Variants in RIIAD1 observed in about 807,000 individuals in gnomAD.
RIIAD1 encodes RIIa domain-containing protein 1.
In RIIAD1, 15 loss-of-function variants were observed where a neutral mutation model predicts 13.3. That is an observed-to-expected ratio of 1.13 (90% CI 0.76 to 1.74). RIIAD1 has a LOEUF of 1.74. Among genes scored for constraint, RIIAD1 ranks in the 40% most tolerant of loss-of-function variants. The pLI, the probability that RIIAD1 is intolerant of heterozygous loss-of-function variation, is 0.00. For missense variants in RIIAD1, 121 were observed against 112.2 expected (o/e 1.08, Z -0.35); for synonymous variants, 50 against 43.3 (o/e 1.16, Z -0.61).
chr1:151,718,599 G>A (rs140746749), upstream of RIIAD1, among the ~76,000 whole-genome samples: 13 of 152,280 alleles, frequency 8.5e-5, no homozygotes, highest in Middle Eastern at 3.4e-3. Context: ...CTGGAGCCAC[G>A]CTCTGGCAGG....
At chr1:151,713,653 G>C (rs1445831251) in intron 3 of RIIAD1, 1 of 152,274 alleles carries the variant, frequency 6.6e-6, no homozygotes, top group Non-Finnish European at 1.5e-5. Context: ...TCACATGCCT[G>C]TGTGCACAAA....
At chr1:151,727,721 T>TG in intron 3 of RIIAD1, 100 bp downstream of exon 3, 2 of 767,290 alleles carry the variant, frequency 2.6e-6, no homozygotes, top group Non-Finnish European at 4.4e-6. Context: ...TCCCAGAGTC[T>TG]GGGGTACTCC....
chr1:151,720,787 T>C (rs534497128), upstream of RIIAD1, among the ~76,000 whole-genome samples: 181 of 152,326 alleles, frequency 1.2e-3, no homozygotes, highest in Non-Finnish European at 2.1e-3. Flanking sequence ...CCCTTTCTCG[T>C]GGCTATTTTC....
intron 2 of RIIAD1, among the ~76,000 whole-genome samples, chr1:151,725,703 G>A (rs1053758738): frequency 8.5e-5 from 13 of 152,134 alleles, no homozygotes; most frequent in African/African-American, 3.1e-4. Flanking sequence ...TTTACACTAT[G>A]TGCTCTTTTG....
upstream of RIIAD1, among the ~76,000 whole-genome samples, chr1:151,718,176 G>A (rs1488470026): frequency 2.0e-5 from 3 of 152,206 alleles, no homozygotes; most frequent in Non-Finnish European, 4.4e-5. Flanking sequence ...TCTTCTGGAA[G>A]GGAAATAATA....
At chr1:151,722,754 A>G (rs1233588137) in intron 2 of RIIAD1, among the ~76,000 whole-genome samples, 1 of 152,190 alleles carries the variant, frequency 6.6e-6, no homozygotes, top group Non-Finnish European at 1.5e-5. Context: ...GTTCCCCTAC[A>G]TTAGCACTTA....
At chr1:151,716,838 C>G, upstream of RIIAD1, 2 of 464,962 alleles carry the variant, frequency 4.3e-6, no homozygotes, top group Non-Finnish European at 8.9e-6. Flanking sequence ...ACTCCCACCT[C>G]CTTTCCCCTG....
intron 2 of RIIAD1, among the ~76,000 whole-genome samples, chr1:151,725,984 T>C (rs1673822729): frequency 6.6e-6 from 1 of 152,212 alleles, no homozygotes; most frequent in African/African-American, 2.4e-5. Context: ...TTGAGTGCTC[T>C]TTTGGACTCA....
intron 2 of RIIAD1, among the ~76,000 whole-genome samples, chr1:151,725,107 C>CTTTTTTTTTTTT (rs71759600): frequency 1.2e-5 from 1 of 84,678 alleles, no homozygotes; most frequent in African/African-American, 5.1e-5. Flanking sequence ...CGCACCTCGC[C>CTTTTTTTTTTTT]TTTTTTTTTT....
chr1:151,719,575 G>A (rs914109570), upstream of RIIAD1: 29 of 701,060 alleles, frequency 4.1e-5, no homozygotes, highest in Non-Finnish European at 6.8e-5. Context: ...AGTACTTACT[G>A]GCTTCCCTGA....
Position 151,729,527 on chromosome 1 carries a change from GGGT to G in RIIAD1, c.*98_*100del, listed in dbSNP as rs1647272949. On this transcript the variant is annotated 3_prime_UTR_variant, in exon 5 of 5. Coordinates refer to ENST00000479191, the MANE Select transcript of RIIAD1 (RefSeq NM_001144956.3). ...ATGAGAGCCCTACTGCCATCAGTGT[GGGT>G]TTCCAAGCTGCCTTGGGCTCTGTCT... The G allele has an allele frequency of 2.0e-5, 3 of 152,286 alleles. No individual in the cohort carries two copies. The highest frequency in any genetic ancestry group is 2.0e-4 in the Admixed American group (3 of 15,292). The allele number at this position is 152,286 out of a possible 1,614,324, so 9.4% of individuals were successfully genotyped here.
chr1:151,719,391 A>G (rs1237079910), upstream of RIIAD1, among the ~76,000 whole-genome samples: 1 of 152,096 alleles, frequency 6.6e-6, no homozygotes, highest in Non-Finnish European at 1.5e-5. Flanking sequence ...CCTCTTTTTT[A>G]TTCCTCTGCA....
At chr1:151,717,504 G>A (rs937298380), upstream of RIIAD1, among the ~76,000 whole-genome samples, 1 of 152,256 alleles carries the variant, frequency 6.6e-6, no homozygotes, top group Non-Finnish European at 1.5e-5. Flanking sequence ...AGGCGGCGCC[G>A]CGGGCGCTCT....
At chr1:151,720,177 C>T (rs532466343), upstream of RIIAD1, among the ~76,000 whole-genome samples, 2 of 152,256 alleles carry the variant, frequency 1.3e-5, no homozygotes, top group Admixed American at 6.5e-5. Flanking sequence ...GCACATTTAA[C>T]ACCTACAGCC....
At chr1:151,724,408 G>C (rs891402121) in intron 2 of RIIAD1, among the ~76,000 whole-genome samples, 6 of 152,202 alleles carry the variant, frequency 3.9e-5, no homozygotes, top group African/African-American at 1.4e-4. Context: ...GGATGAACCA[G>C]AATCAGCTTC....
In RIIAD1 at chr1:151,721,569, C is replaced by G. The variant is rs978051905; in HGVS notation, c.33C>G (p.Pro11=). METLPGLLQR[P]DPGALSAAQL... ...CGCTGCCAGGCTTGCTGCAGCGGCC[C>G]GACCCCGGGGCGCTTAGCGCAGCGC... is the stretch of plus-strand genomic sequence containing the variant. Residue 11 remains proline (P), a synonymous_variant, in exon 1 of 5, where the codon CCC becomes CCG. Coordinates refer to ENST00000479191, the MANE Select transcript of RIIAD1 (RefSeq NM_001144956.3). The G allele has an allele frequency of 7.5e-7, 1 of 1,325,584 alleles. No homozygotes were observed. Among genetic ancestry groups the G allele is most frequent in the Non-Finnish European group, 9.7e-7 (1 of 1,035,392 alleles). The allele number at this position is 1,325,584 out of a possible 1,614,324, so 82.1% of individuals were successfully genotyped here.
At chr1:151,720,749 C>T (rs1673721804), upstream of RIIAD1, among the ~76,000 whole-genome samples, 1 of 152,182 alleles carries the variant, frequency 6.6e-6, no homozygotes, top group African/African-American at 2.4e-5. Context: ...AGGAGCTCGG[C>T]ATGTGTGTAT....
intron 2 of RIIAD1, among the ~76,000 whole-genome samples, chr1:151,727,002 G>A (rs774958661): frequency 4.6e-5 from 7 of 152,164 alleles, no homozygotes; most frequent in African/African-American, 1.2e-4. Context: ...GAAAATGATC[G>A]TTGAGGCCGG....
At chr1:151,715,597 T>A in intron 4 of RIIAD1, 1 of 1,425,178 alleles carries the variant, frequency 7.0e-7, no homozygotes, top group Non-Finnish European at 9.3e-7. Context: ...TTTCTTGAGT[T>A]CATCCCATGA....
Sources: allele counts gnomAD v4.1 joint callset (sites outside exome capture counted in the v4.1 genomes callset), GRCh38; gene constraint gnomAD v4.1.1; transcripts MANE v1.5; gene names NCBI Gene and HGNC (gene_info 2026-07-23, HGNC 2026-07-21).